Variants in SLIT2 observed in about 807,000 individuals in gnomAD.
SLIT2 encodes slit homolog 2 protein.
A neutral mutation model predicts 185.7 loss-of-function variants in SLIT2; 41 were observed. The ratio of observed to expected loss-of-function variants is 0.22; its 90% CI spans 0.17 to 0.29. SLIT2 has a LOEUF of 0.29. Among genes scored for constraint, SLIT2 ranks in the 10% least tolerant of loss-of-function variants. SLIT2 has a pLI of 1.00. For missense variants in SLIT2, 1,571 were observed against 1,909.0 expected (o/e 0.82, Z 3.30); for synonymous variants, 693 against 680.2 (o/e 1.02, Z -0.29).
chr4:20,294,012 A>G (rs1225149468), intron 4 of SLIT2, among the ~76,000 whole-genome samples: 1 of 151,754 alleles, frequency 6.6e-6, no homozygotes, highest in East Asian at 1.9e-4. Context: ...ACTGTATATG[A>G]TGCTTCTCAT....
intron 4 of SLIT2, among the ~76,000 whole-genome samples, chr4:20,281,630 T>A (rs189273379): frequency 6.6e-6 from 1 of 152,310 alleles, no homozygotes; most frequent in East Asian, 1.9e-4. Flanking sequence ...CAAGGAAAGT[T>A]GTTAATCAGG....
intron 34 of SLIT2, among the ~76,000 whole-genome samples, chr4:20,613,749 G>T (rs1729425050): frequency 6.6e-6 from 1 of 152,194 alleles, no homozygotes; most frequent in Non-Finnish European, 1.5e-5. Context: ...TGCCCAAGGA[G>T]GACTGCCTGA....
At chr4:20,284,006 G>A (rs539630715) in intron 4 of SLIT2, among the ~76,000 whole-genome samples, 6 of 152,120 alleles carry the variant, frequency 3.9e-5, no homozygotes, top group East Asian at 3.9e-4. Context: ...ATGTGGAAGC[G>A]TTGTGAACAT....
At chr4:20,493,061 C>A (rs1342340145) in intron 9 of SLIT2, among the ~76,000 whole-genome samples, 1 of 152,104 alleles carries the variant, frequency 6.6e-6, no homozygotes. Context: ...TAGAAGACAT[C>A]TTTTAGTATT....
chr4:20,451,863 C>T (rs1037732666), intron 4 of SLIT2, among the ~76,000 whole-genome samples: 3 of 152,124 alleles, frequency 2.0e-5, no homozygotes, highest in Non-Finnish European at 4.4e-5. Flanking sequence ...ATGCAGTTCT[C>T]CACCAATTTA....
chr4:20,581,994 G>A (rs554981923), intron 29 of SLIT2, among the ~76,000 whole-genome samples: 2 of 152,264 alleles, frequency 1.3e-5, no homozygotes, highest in South Asian at 4.1e-4. Context: ...TGATCTGCTC[G>A]CCTTGGCCTC....
chr4:20,409,485 G>T (rs1027616582), intron 4 of SLIT2, among the ~76,000 whole-genome samples: 1 of 152,090 alleles, frequency 6.6e-6, no homozygotes, highest in South Asian at 2.1e-4. Flanking sequence ...TGGGCATTTA[G>T]GTCGATTCCA....
chr4:20,580,744 A>G (rs1726489768), intron 29 of SLIT2, among the ~76,000 whole-genome samples: 2 of 151,744 alleles, frequency 1.3e-5, no homozygotes, highest in South Asian at 2.1e-4. Context: ...CCACAGCAGC[A>G]AATGTAGAGC....
At chr4:20,422,123 G>A (rs894420695) in intron 4 of SLIT2, among the ~76,000 whole-genome samples, 4 of 152,080 alleles carry the variant, frequency 2.6e-5, no homozygotes, top group African/African-American at 9.7e-5. Context: ...ATCTCAATGA[G>A]ATGACTCAAA....
Position 20,304,205 on chromosome 4 carries a change from T to C in SLIT2, c.395+35324T>C, listed in dbSNP as rs938439881. On this transcript the variant is annotated intron_variant, in intron 4 of 36. Transcript: ENST00000504154. ...AAACTACTCAATACACATTTGTTCA[T>C]TGGATGAATGATGCTACTTATCCCC... is the stretch of plus-strand genomic sequence containing the variant. Among the ~76,000 whole-genome samples the C allele has an allele frequency of 2.6e-5, 4 of 152,224 alleles. No homozygotes were observed. The East Asian group carries it at 7.7e-4, about 29-fold the overall frequency.
At chr4:20,475,263 T>C (rs1715969483) in intron 5 of SLIT2, among the ~76,000 whole-genome samples, 1 of 152,012 alleles carries the variant, frequency 6.6e-6, no homozygotes, top group Admixed American at 6.6e-5. Flanking sequence ...AAATACCCAC[T>C]TTATTTTCTG....
intron 4 of SLIT2, among the ~76,000 whole-genome samples, chr4:20,331,219 CAG>C (rs1396097489): frequency 3.3e-5 from 5 of 152,120 alleles, no homozygotes; most frequent in South Asian, 2.1e-4. Context: ...TAGGAAAAAA[CAG>C]AGAAATAAAT....
At chr4:20,414,996 C>A (rs915705237) in intron 4 of SLIT2, among the ~76,000 whole-genome samples, 7 of 151,888 alleles carry the variant, frequency 4.6e-5, no homozygotes, top group African/African-American at 1.7e-4. Context: ...TACTGAATTC[C>A]CTTTATGCAT....
intron 4 of SLIT2, among the ~76,000 whole-genome samples, chr4:20,314,309 G>A (rs574925093): frequency 1.3e-5 from 2 of 152,314 alleles, no homozygotes; most frequent in South Asian, 2.1e-4. Flanking sequence ...TGATAGCAAA[G>A]TATGAACAAC....
chr4:20,291,490 ATATTTTTTTTTTTTTTTTTTTTT>A (rs1304647930), intron 4 of SLIT2, among the ~76,000 whole-genome samples: 12 of 9,956 alleles, frequency 1.2e-3, no homozygotes, highest in Admixed American at 3.9e-3. Flanking sequence ...ATATATATAT[ATATTTTTTTTTTTTTTTTTTTTT>A]TTTTTTTTTT....
chr4:20,426,931 A>G (rs1265520277), intron 4 of SLIT2, among the ~76,000 whole-genome samples: 1 of 152,146 alleles, frequency 6.6e-6, no homozygotes, highest in Non-Finnish European at 1.5e-5. Flanking sequence ...TGGTAAATTT[A>G]AGAGTTAGGA....
chr4:20,521,194 C>G (rs1720810863), intron 12 of SLIT2, among the ~76,000 whole-genome samples: 1 of 152,158 alleles, frequency 6.6e-6, no homozygotes, highest in African/African-American at 2.4e-5. Context: ...AACACACATG[C>G]TAATAAAATA....
intron 3 of SLIT2, among the ~76,000 whole-genome samples, chr4:20,262,795 A>G (rs1250269563): frequency 2.0e-5 from 3 of 151,892 alleles, no homozygotes; most frequent in African/African-American, 7.2e-5. Flanking sequence ...TGGTCATAGA[A>G]AGCTTTAATC....
chr4:20,605,706 ATTTTATATTT>A lies in SLIT2; in HGVS notation c.3693-4305_3693-4296del, dbSNP rs1398354009. ...ATGTGTCGATCACTGCTTTTATTTT[ATTTTATATTT>A]TATTTTATTTTATTTTATTTTATTT... is the stretch of plus-strand genomic sequence containing the variant. On this transcript the variant is annotated intron_variant, in intron 33 of 36. Transcript: ENST00000504154. Among the ~76,000 whole-genome samples, 1,187 of 145,210 alleles carry A rather than the reference ATTTTATATTT, an allele frequency of 8.2e-3. 13 individuals are homozygous for A. The highest frequency in any genetic ancestry group is 0.027 in the African/African-American group (1,086 of 39,758).
Sources: allele counts gnomAD v4.1 joint callset (sites outside exome capture counted in the v4.1 genomes callset), GRCh38; gene constraint gnomAD v4.1.1; transcripts MANE v1.5; gene names NCBI Gene and HGNC (gene_info 2026-07-23, HGNC 2026-07-21).